The following DPYD variants were observed in gnomAD, a reference collection of about 807,000 sequenced individuals.
The protein encoded by DPYD is dihydropyrimidine dehydrogenase [NADP(+)].
In DPYD, 109 loss-of-function variants were observed where a neutral mutation model predicts 116.2. That is an observed-to-expected ratio of 0.94 (90% CI 0.80 to 1.10). DPYD has a LOEUF of 1.10. Among genes scored for constraint, DPYD ranks in the 50% least tolerant of loss-of-function variants. The pLI, the probability that DPYD is intolerant of heterozygous loss-of-function variation, is 0.00. For missense variants in DPYD, 1,302 were observed against 1,254.5 expected (o/e 1.04, Z -0.57); for synonymous variants, 440 against 432.0 (o/e 1.02, Z -0.23).
chr1:97,173,374 G>GTACATATATACATA, intron 20 of DPYD, among the ~76,000 whole-genome samples: 1 of 112,538 alleles, frequency 8.9e-6, no homozygotes, highest in African/African-American at 3.5e-5. Flanking sequence ...ATACATATAT[G>GTACATATATACATA]TGTGTATATA....
At chr1:97,566,001 T>C (rs749819528) in intron 11 of DPYD, among the ~76,000 whole-genome samples, 2 of 152,184 alleles carry the variant, frequency 1.3e-5, no homozygotes, top group African/African-American at 2.4e-5. Context: ...AAATGACTAT[T>C]TAATCTAACA....
Position 97,445,682 on chromosome 1 carries a change from T to A in DPYD, c.1905+4377A>T, listed in dbSNP as rs561639193. The stretch of plus-strand genomic sequence containing the variant: ...CTGCTTCCTAGCCCACAGGTAGTAA[T>A]ATTTTCTAAGTATTACTCCTTTCTA... On this transcript the variant is annotated intron_variant, in intron 14 of 22. Coordinates refer to ENST00000370192, the MANE Select transcript of DPYD (RefSeq NM_000110.4). Among the ~76,000 whole-genome samples the A allele has an allele frequency of 4.6e-5, 7 of 152,162 alleles. No individual in the cohort carries two copies. In the East Asian group the frequency reaches 7.7e-4, roughly 17 times the overall value.
At chr1:97,147,369 C>CAAAT (rs3050223) in intron 20 of DPYD, among the ~76,000 whole-genome samples, 1 of 151,796 alleles carries the variant, frequency 6.6e-6, no homozygotes, top group African/African-American at 2.4e-5. Context: ...AACAAACAAA[C>CAAAT]GAACAAACAA....
chr1:97,199,950 A>C (rs903506282), intron 19 of DPYD, among the ~76,000 whole-genome samples: 1 of 152,212 alleles, frequency 6.6e-6, no homozygotes, highest in Non-Finnish European at 1.5e-5. Context: ...CTATTAAAAA[A>C]AAGCTCACTT....
At chr1:97,512,265 T>C (rs1301346397) in intron 13 of DPYD, among the ~76,000 whole-genome samples, 1 of 151,932 alleles carries the variant, frequency 6.6e-6, no homozygotes, top group East Asian at 1.9e-4. Context: ...ATTTTCAGTC[T>C]TTACTTCTTA....
intron 13 of DPYD, among the ~76,000 whole-genome samples, chr1:97,484,005 A>T (rs1488821016): frequency 1.3e-5 from 2 of 152,188 alleles, no homozygotes; most frequent in African/African-American, 4.8e-5. Flanking sequence ...ATAGAATTCA[A>T]AACTAAAAAT....
chr1:97,181,066 T>A (rs1379382132), intron 20 of DPYD, among the ~76,000 whole-genome samples: 7 of 152,162 alleles, frequency 4.6e-5, no homozygotes, highest in Admixed American at 1.3e-4. Context: ...TGGAAATCCA[T>A]GTTCTGTACT....
chr1:97,232,731 C>A (rs1661662787), intron 19 of DPYD, among the ~76,000 whole-genome samples: 2 of 152,090 alleles, frequency 1.3e-5, no homozygotes, highest in Admixed American at 1.3e-4. Context: ...TAAGTGATTG[C>A]ATTTTTAAGT....
rs1661473094 is a variant in DPYD, at chr1:97,699,457, G to A, written c.574C>T (p.Leu192Phe). 1 of 1,613,618 alleles carries A rather than the reference G, an allele frequency of 6.2e-7. No homozygotes were observed. The highest frequency in any genetic ancestry group is 8.5e-7 in the Non-Finnish European group (1 of 1,179,706). ...MSEAYSAKIA[L>F]FGAGPASISC... ...ATACTTGCAGGCCCAGCACCAAAAA[G>A]AGCAATCTTTGCAGAATAGGCTTCA... Residue 192 changes from leucine (L) to phenylalanine (F), a missense_variant, in exon 6 of 23, where the codon CTT becomes TTT. Physicochemically the swap from Leu to Phe is conservative, Grantham distance 22. Coordinates refer to ENST00000370192, the MANE Select transcript of DPYD (RefSeq NM_000110.4).
chr1:97,416,847 C>T (rs1307301769), intron 14 of DPYD, among the ~76,000 whole-genome samples: 1 of 152,138 alleles, frequency 6.6e-6, no homozygotes, highest in African/African-American at 2.4e-5. Context: ...GGTAGACCTT[C>T]GCTTCATGTG....
At chr1:97,495,270 T>G (rs1006061701) in intron 13 of DPYD, among the ~76,000 whole-genome samples, 1 of 152,052 alleles carries the variant, frequency 6.6e-6, no homozygotes, top group Non-Finnish European at 1.5e-5. Context: ...AAAACATACT[T>G]TGGGGAGATA....
chr1:97,861,847 C>A (rs572687584), intron 2 of DPYD, among the ~76,000 whole-genome samples: 1 of 152,034 alleles, frequency 6.6e-6, no homozygotes, highest in South Asian at 2.1e-4. Flanking sequence ...GTATAAATAG[C>A]ATAAACAATT....
chr1:97,110,247 T>C (rs1208084815), intron 20 of DPYD, among the ~76,000 whole-genome samples: 2 of 152,128 alleles, frequency 1.3e-5, no homozygotes, highest in African/African-American at 2.4e-5. Context: ...GCGCTGACCA[T>C]TGAAGACATA....
chr1:97,726,562 C>G (rs922889424), intron 4 of DPYD, among the ~76,000 whole-genome samples: 10 of 151,454 alleles, frequency 6.6e-5, no homozygotes, highest in Non-Finnish European at 1.3e-4. Flanking sequence ...CACAGAAACA[C>G]TTGATGTGAT....
At position 97,602,226 on chromosome 1, in the gene DPYD, T is replaced by C. The variant is rs367956659; in HGVS notation, c.851-7060A>G. ...AAAACAGTACAATTTTAAAAAGCAC[T>C]AGAAAAGAGAATAAAATAATCAAAT... is the stretch of plus-strand genomic sequence containing the variant. On this transcript the variant is annotated intron_variant, in intron 8 of 22. Transcript: ENST00000370192. Among the ~76,000 whole-genome samples the C allele has an allele frequency of 7.2e-5, 11 of 152,056 alleles. No individual in the cohort carries two copies. The East Asian group carries it at 1.2e-3, about 16-fold the overall frequency.
Position 97,724,300 on chromosome 1 carries a change from GGGGGGGGGTGTGTGTGTGTGTGT to G in DPYD, c.322-2652_322-2630del, listed in dbSNP as rs1557910157. On this transcript the variant is annotated intron_variant, in intron 4 of 22. Coordinates refer to ENST00000370192, the MANE Select transcript of DPYD (RefSeq NM_000110.4). ...GAAAGAATAGGATGTATGTGGGGGG[GGGGGGGGGTGTGTGTGTGTGTGT>G]GTGTGTGTGTGTGTGTGTGTGTGTG... Among the ~76,000 whole-genome samples, 7 of 15,048 alleles carry G rather than the reference GGGGGGGGGTGTGTGTGTGTGTGT, an allele frequency of 4.7e-4. No homozygotes were observed. The East Asian group carries it at 7.2e-3, about 16-fold the overall frequency. The allele number at this position is 15,048 out of a possible 152,430, so 9.9% of individuals were successfully genotyped here. A position where few individuals can be genotyped will look rare whatever the true frequency, so the allele number is the denominator to read the frequency against.
At chr1:97,488,593 C>T (rs1340863402) in intron 13 of DPYD, among the ~76,000 whole-genome samples, 1 of 152,138 alleles carries the variant, frequency 6.6e-6, no homozygotes, top group Non-Finnish European at 1.5e-5. Flanking sequence ...AACTAGGTAA[C>T]ACTGAGGTAG....
chr1:97,601,953 ACT>A (rs1655274143), intron 8 of DPYD, among the ~76,000 whole-genome samples: 2 of 151,962 alleles, frequency 1.3e-5, no homozygotes, highest in Non-Finnish European at 2.9e-5. Context: ...TGCTGTCTAT[ACT>A]CTTTCTCTAA....
At chr1:97,101,316 T>G (rs1650665038) in intron 20 of DPYD, among the ~76,000 whole-genome samples, 1 of 151,888 alleles carries the variant, frequency 6.6e-6, no homozygotes, top group Non-Finnish European at 1.5e-5. Flanking sequence ...ATGTTGTATA[T>G]ATTAAAGTGG....
Sources: allele counts gnomAD v4.1 joint callset (sites outside exome capture counted in the v4.1 genomes callset), GRCh38; gene constraint gnomAD v4.1.1; transcripts MANE v1.5; gene names NCBI Gene and HGNC (gene_info 2026-07-23, HGNC 2026-07-21).